ZFYVE28: variants seen among roughly 807,000 people sequenced by gnomAD.
ZFYVE28 encodes zinc finger FYVE-type containing 28.
ZFYVE28 carries 40 observed loss-of-function variants against 82.1 expected under a neutral mutation model. That is an observed-to-expected ratio of 0.49 (90% confidence interval 0.38 to 0.63). The LOEUF (loss-of-function observed/expected upper bound fraction) is 0.63. ZFYVE28 is among the 30% of genes least tolerant of loss of function. The pLI is 0.00. For missense variants in ZFYVE28, 1,321 were observed against 1,242.1 expected, an observed-to-expected ratio of 1.06 and a Z score of -0.96; for synonymous variants, 612 against 546.1, an observed-to-expected ratio of 1.12 and a Z score of -1.68.
chr4:2,360,419 ACACACACAGGCACGCACG>A (rs987337422), intron 1 of ZFYVE28, among the ~76,000 whole-genome samples: 6 of 151,700 alleles, frequency 4.0e-5, no homozygotes, highest in Admixed American at 2.0e-4. Context: ...ACACACACAC[ACACACACAGGCACGCACG>A]CACACACAGA....
chr4:2,382,806 A>G (rs1728859258), intron 1 of ZFYVE28, among the ~76,000 whole-genome samples: 1 of 152,152 alleles, frequency 6.6e-6, no homozygotes, highest in South Asian at 2.1e-4. Context: ...GAAGAAAAAG[A>G]GGTTTAATTG....
rs1578219029 is a variant in ZFYVE28, at chr4:2,354,077, C to T, written c.40-4G>A. 3 of 1,540,660 alleles carry T rather than the reference C, an allele frequency of 1.9e-6. No homozygotes were observed. The East Asian group carries it at 7.4e-5, about 38-fold the overall frequency. ...CAAGCAGCTGCGGATCCGACCTCTG[C>T]AGGAGAGAGGGGCCAGGGCCATGAG... On this transcript the variant is annotated splice_polypyrimidine_tract_variant and splice_region_variant and intron_variant, in intron 1 of 12. Coordinates refer to ENST00000290974, the MANE Select transcript of ZFYVE28 (RefSeq NM_020972.3).
Position 2,367,840 on chromosome 4 carries a change from A to G in ZFYVE28, c.40-13767T>C, listed in dbSNP as rs1474624752. Among the ~76,000 whole-genome samples, 4 of 152,178 alleles carry G rather than the reference A, an allele frequency of 2.6e-5. No homozygotes were observed. In the East Asian group the frequency reaches 5.8e-4, roughly 22 times the overall value. The stretch of plus-strand genomic sequence containing the variant: ...CTCAGTCCTGGACCAGCTCCCCTTG[A>G]AGGACCTAACGGACTTAAGACACCC... On this transcript the variant is annotated intron_variant, in intron 1 of 12. Coordinates refer to ENST00000290974, the MANE Select transcript of ZFYVE28 (RefSeq NM_020972.3).
chr4:2,313,440 TAG>T, intron 7 of ZFYVE28, among the ~76,000 whole-genome samples: 1 of 152,230 alleles, frequency 6.6e-6, no homozygotes, highest in African/African-American at 2.4e-5. Flanking sequence ...ACATTTTTTG[TAG>T]AGACAGTGTT....
intron 8 of ZFYVE28, among the ~76,000 whole-genome samples, chr4:2,302,037 C>G (rs1475525083): frequency 3.9e-5 from 6 of 152,242 alleles, no homozygotes; most frequent in Admixed American, 3.9e-4. Context: ...TGAAGGGAAG[C>G]AGGACATCTC....
chr4:2,337,401 G>A lies in ZFYVE28; in HGVS notation c.611+6C>T. The A allele has an allele frequency of 6.3e-7, 1 of 1,598,100 alleles. No individual in the cohort carries two copies. Among genetic ancestry groups the A allele is most frequent in the Non-Finnish European group, 8.5e-7 (1 of 1,171,442 alleles). On this transcript the variant is annotated splice_donor_region_variant and intron_variant, in intron 5 of 12. Coordinates refer to ENST00000290974, the MANE Select transcript of ZFYVE28 (RefSeq NM_020972.3). ...GCCCCCAGCCCCTAAGCATCCCTGT[G>A]CTCACCTCTCCACCGTCTCGCAGAA...
intron 1 of ZFYVE28, among the ~76,000 whole-genome samples, chr4:2,400,954 G>A (rs968686842): frequency 1.3e-5 from 2 of 152,200 alleles, no homozygotes; most frequent in African/African-American, 4.8e-5. Flanking sequence ...CACACAGGGT[G>A]AAAAATTCTA....
At chr4:2,328,978 G>T in intron 6 of ZFYVE28, 1 of 582,348 alleles carries the variant, frequency 1.7e-6, no homozygotes, top group South Asian at 2.2e-5. Flanking sequence ...TATTCCATTG[G>T]TCTATACATC....
intron 1 of ZFYVE28, among the ~76,000 whole-genome samples, chr4:2,354,748 T>C (rs1187388218): frequency 6.6e-6 from 1 of 152,118 alleles, no homozygotes; most frequent in Non-Finnish European, 1.5e-5. Context: ...CATGAGCCAC[T>C]GTGCCCGGCC....
chr4:2,307,894 G>A (rs973327382), intron 7 of ZFYVE28, among the ~76,000 whole-genome samples: 2 of 152,156 alleles, frequency 1.3e-5, no homozygotes, highest in Non-Finnish European at 2.9e-5. Context: ...AACCATATGA[G>A]ACATTTTTCC....
At chr4:2,391,737 TC>T (rs1280330351) in intron 1 of ZFYVE28, among the ~76,000 whole-genome samples, 15 of 96,550 alleles carry the variant, frequency 1.6e-4, no homozygotes, top group Non-Finnish European at 3.3e-4. Context: ...CAATTCTCTC[TC>T]TCTTTTTTTT....
chr4:2,366,201 G>C (rs890117641), intron 1 of ZFYVE28, among the ~76,000 whole-genome samples: 1 of 152,166 alleles, frequency 6.6e-6, no homozygotes, highest in African/African-American at 2.4e-5. Flanking sequence ...AACTCTACAC[G>C]CACCAAAAAC....
At chr4:2,307,626 G>A (rs959833485) in intron 7 of ZFYVE28, among the ~76,000 whole-genome samples, 1 of 151,950 alleles carries the variant, frequency 6.6e-6, no homozygotes, top group Non-Finnish European at 1.5e-5. Flanking sequence ...GGTACTACAG[G>A]TGCAGACCAC....
At chr4:2,385,090 G>A (rs913906649) in intron 1 of ZFYVE28, among the ~76,000 whole-genome samples, 19 of 152,288 alleles carry the variant, frequency 1.2e-4, no homozygotes, top group African/African-American at 3.4e-4. Flanking sequence ...CAGGACTGGC[G>A]AGAAGGGGGA....
intron 10 of ZFYVE28, among the ~76,000 whole-genome samples, chr4:2,272,580 G>A (rs1736010581): frequency 6.6e-6 from 1 of 152,230 alleles, no homozygotes; most frequent in Non-Finnish European, 1.5e-5. Context: ...ATGTGCACGT[G>A]TCTCTGTGTG....
chr4:2,308,627 CAGAAAGAAAGAA>C (rs58958771), intron 7 of ZFYVE28, among the ~76,000 whole-genome samples: 130 of 79,572 alleles, frequency 1.6e-3, no homozygotes, highest in Non-Finnish European at 1.9e-3. Flanking sequence ...AGAAAGAAGA[CAGAAAGAAAGAA>C]AGAAAGAAAG....
rs1705581987 is a variant in ZFYVE28 at position 2,409,618 on chromosome 4, T to C, written c.39+8667A>G. On this transcript the variant is annotated intron_variant, in intron 1 of 12. Transcript: ENST00000290974. This position sits in a 1 kb window ranked among gnomAD's most constrained non-coding sequence, Gnocchi z 4.4. ...TGGCTCAGGCAAGGCCCACATGGCC[T>C]GACAGCCTTGGAGATTCCCACTGAG... Among the ~76,000 whole-genome samples, 1 of 152,250 alleles carries C rather than the reference T, an allele frequency of 6.6e-6. No homozygotes were observed. The highest frequency in any genetic ancestry group is 6.5e-5 in the Admixed American group (1 of 15,286).
chr4:2,304,596 G>A lies in ZFYVE28; in HGVS notation c.1744C>T (p.Arg582Trp), dbSNP rs757603920. Residue 582 changes from arginine (R) to tryptophan (W), a missense_variant, in exon 8 of 13, where the codon CGG becomes TGG. Physicochemically the swap from Arg to Trp is moderately radical, Grantham distance 101 (BLOSUM62 -3). Transcript: ENST00000290974. ...DSREDVVERLREKCSPGGVIG... is the reference protein window; with the variant it reads ...DSREDVVERLWEKCSPGGVIG... Reference sequence around the variant, plus strand: ...ACGCCTCCCGGGCTGCACTTCTCCCGCAGACGCTCCACCACGTCCTCCCTG... The same window carrying A: ...ACGCCTCCCGGGCTGCACTTCTCCCACAGACGCTCCACCACGTCCTCCCTG... 197 of 1,612,092 alleles carry A rather than the reference G, an allele frequency of 1.2e-4. 1 individual carries two copies. Among genetic ancestry groups the A allele is most frequent in the Admixed American group, 5.5e-4 (33 of 59,892 alleles).
At position 2,322,109 on chromosome 4, in the gene ZFYVE28, G is replaced by C. The variant is rs573163987; in HGVS notation, c.702-1838C>G. 3.3e-5 allele frequency among the ~76,000 whole-genome samples: 5 copies of C among 152,240 alleles called. No homozygotes were observed. In the East Asian group the frequency reaches 9.6e-4, roughly 29 times the overall value. On this transcript the variant is annotated intron_variant, in intron 6 of 12. Coordinates refer to ENST00000290974, the MANE Select transcript of ZFYVE28 (RefSeq NM_020972.3). ...GTGCACTCCACAGTGGCTGAGCCCT[G>C]CTGCTCAGCAGCTCTGCAGGTGCCC...
Sources: gnomAD v4.1 joint callset for allele counts (sites outside exome capture counted in the v4.1 genomes callset) on GRCh38, gnomAD v4.1.1 for gene constraint, Gnocchi (gnomAD v3.1) non-coding constraint, MANE v1.5 for transcripts, NCBI Gene and HGNC (gene_info 2026-07-23, HGNC 2026-07-21) for gene names.